ABCA5: variants seen among roughly 807,000 people sequenced by gnomAD.
ABCA5 encodes the protein ATP binding cassette subfamily A member 5.
In ABCA5, 163 loss-of-function variants were observed where a neutral mutation model predicts 206.0. That is an observed-to-expected ratio of 0.79 (90% confidence interval 0.70 to 0.90). The LOEUF (loss-of-function observed/expected upper bound fraction) is 0.90, where lower values mean the gene tolerates loss of function less well. Ranked by LOEUF, ABCA5 falls within the 40% of genes least tolerant of loss-of-function variation. The pLI, the probability that ABCA5 is intolerant of heterozygous loss-of-function variation, is 0.00. For missense variants in ABCA5, 1,859 were observed against 1,912.9 expected (o/e 0.97, Z 0.53); for synonymous variants, 609 against 613.8 (o/e 0.99, Z 0.11).
chr17:69,311,132 T>C (rs1266014138), intron 3 of ABCA5, among the ~76,000 whole-genome samples: 2 of 152,000 alleles, frequency 1.3e-5, no homozygotes, highest in African/African-American at 4.8e-5. Flanking sequence ...AGGCAGAGGC[T>C]GCAGTGAGCT....
At chr17:69,251,910 T>A (rs368231532) in intron 34 of ABCA5, 44 bp from the exon 35 acceptor site, 10 of 1,585,440 alleles carry the variant, frequency 6.3e-6, no homozygotes, top group Admixed American at 2.0e-5. Flanking sequence ...CACATCTGTT[T>A]GTTAAAAAAA....
intron 27 of ABCA5, 41 bp from the exon 28 acceptor site, chr17:69,259,838 G>C: frequency 8.7e-7 from 1 of 1,152,586 alleles, no homozygotes; most frequent in Admixed American, 2.3e-5. Flanking sequence ...TAAAAGATTT[G>C]TTGTTGTTGT....
chr17:69,306,461 C>T (rs1243762044), intron 6 of ABCA5, among the ~76,000 whole-genome samples: 2 of 151,996 alleles, frequency 1.3e-5, no homozygotes, highest in Non-Finnish European at 2.9e-5. Flanking sequence ...GGAGTGTGCC[C>T]ATGATTCAAA....
At chr17:69,309,903 C>T (rs983715640) in intron 3 of ABCA5, among the ~76,000 whole-genome samples, 1 of 151,888 alleles carries the variant, frequency 6.6e-6, no homozygotes, top group African/African-American at 2.4e-5. Flanking sequence ...TAAAATGGTA[C>T]AATGTTGCAG....
Position 69,280,376 on chromosome 17 carries a change from A to G in ABCA5, c.2393-2534T>C, listed in dbSNP as rs542491930. 3.4e-3 allele frequency among the ~76,000 whole-genome samples: 523 copies of G among 151,926 alleles called. 1 individual carries two copies. The highest frequency in any genetic ancestry group is 5.7e-3 in the Non-Finnish European group (385 of 67,784). On this transcript the variant is annotated intron_variant, in intron 18 of 38. Coordinates refer to ENST00000392676, the MANE Select transcript of ABCA5 (RefSeq NM_172232.4). ...TTAGAATGGCAATCATTAAAAAGTC[A>G]GGAAACAACAGGTGCTGGAGAGGAT...
At position 69,255,562 on chromosome 17, in the gene ABCA5, A is replaced by G. The variant is rs2075066414; in HGVS notation, c.4049T>C (p.Ile1350Thr). Residue 1350 changes from isoleucine (I) to threonine (T), a missense_variant, in exon 31 of 39, where the codon ATT becomes ACT. Coordinates refer to ENST00000392676, the MANE Select transcript of ABCA5 (RefSeq NM_172232.4). ...STIINILVGD[I>T]EPTSGQVFLG... ...TCATACCTGGCCTGAAGTTGGTTCA[A>G]TATCACCAACCAGAATATTAATAAT... 1 of 1,571,952 alleles carries G rather than the reference A, an allele frequency of 6.4e-7. No homozygotes were observed. Among genetic ancestry groups the G allele is most frequent in the Non-Finnish European group, 8.6e-7 (1 of 1,166,242 alleles).
chr17:69,322,420 C>T (rs1200673958), intron 1 of ABCA5, among the ~76,000 whole-genome samples: 1 of 126,910 alleles, frequency 7.9e-6, no homozygotes, highest in Non-Finnish European at 1.7e-5. Context: ...TCCTACGAAA[C>T]ATATTCCACA....
intron 21 of ABCA5, 32 bp from the exon 22 acceptor site, chr17:69,270,782 C>T (rs763456515): frequency 1.3e-6 from 2 of 1,505,630 alleles, no homozygotes; most frequent in Non-Finnish European, 1.8e-6. Flanking sequence ...TTATTACATA[C>T]TGTATATAAG....
chr17:69,276,111 G>A (rs568148728), intron 19 of ABCA5, among the ~76,000 whole-genome samples: 127 of 151,660 alleles, frequency 8.4e-4, no homozygotes, highest in African/African-American at 2.9e-3. Flanking sequence ...GGGCAGGGAC[G>A]GAGTCTCACT....
At position 69,289,923 on chromosome 17, in the gene ABCA5, T is replaced by C. The variant is rs759767515; in HGVS notation, c.1721A>G (p.Glu574Gly). ...LDIHFDVLTVEENLSILASIK... is the reference protein window; with the variant it reads ...LDIHFDVLTVGENLSILASIK... ...TGAAGCCAAAATTGATAAATTTTCT[T>C]CTACTGTCAAAACATCAAAGTGTAT... Residue 574 changes from glutamate to glycine, a missense_variant, in exon 13 of 39, where the codon GAA (glutamate) becomes GGA (glycine). Physicochemically the swap from Glu to Gly is moderately conservative, Grantham distance 98. Coordinates refer to ENST00000392676, the MANE Select transcript of ABCA5 (RefSeq NM_172232.4). 3.1e-6 allele frequency: 5 copies of C among 1,612,030 alleles called. No homozygotes were observed. Among genetic ancestry groups the C allele is most frequent in the Non-Finnish European group, 4.2e-6 (5 of 1,179,262 alleles).
At chr17:69,308,170 A>T in intron 5 of ABCA5, 110 bp downstream of exon 5, 1 of 492,566 alleles carries the variant, frequency 2.0e-6, no homozygotes, top group Non-Finnish European at 3.5e-6. Context: ...GTAGTAGGTT[A>T]CATATTTTGT....
chr17:69,261,055 A>T, intron 26 of ABCA5, 70 bp downstream of exon 26: 1 of 1,341,312 alleles, frequency 7.5e-7, no homozygotes, highest in Non-Finnish European at 1.0e-6. Flanking sequence ...CTATACAAGA[A>T]CTAACATCCC....
chr17:69,270,217 A>G (rs2075257008), intron 22 of ABCA5, among the ~76,000 whole-genome samples: 1 of 152,110 alleles, frequency 6.6e-6, no homozygotes, highest in African/African-American at 2.4e-5. Context: ...ACTTTTCTGT[A>G]ATCTTGATTC....
At chr17:69,261,568 A>T in intron 25 of ABCA5, 67 bp downstream of exon 25, 1 of 752,586 alleles carries the variant, frequency 1.3e-6, no homozygotes, top group Non-Finnish European at 2.1e-6. Context: ...TTTTTAGTAT[A>T]ATCAGGAAAG....
chr17:69,304,848 A>G (rs2075700397), intron 6 of ABCA5, 38 bp from the exon 7 acceptor site: 1 of 1,524,596 alleles, frequency 6.6e-7, no homozygotes, highest in Non-Finnish European at 8.8e-7. Context: ...GGTCAAATGC[A>G]TAGGCTTAAC....
intron 24 of ABCA5, 132 bp from the exon 25 acceptor site, chr17:69,261,880 G>T (rs982272532): frequency 5.0e-6 from 2 of 401,952 alleles, no homozygotes; most frequent in African/African-American, 2.1e-5. Flanking sequence ...AACACTACTT[G>T]TAGTTTTTTG....
In ABCA5 at chr17:69,285,959, T is replaced by C. The variant is rs1219919755; in HGVS notation, c.2211A>G (p.Leu737=). 2 of 1,613,318 alleles carry C rather than the reference T, an allele frequency of 1.2e-6. No homozygotes were observed. Among genetic ancestry groups the C allele is most frequent in the Non-Finnish European group, 1.7e-6 (2 of 1,179,556 alleles). ...ACACAAGTTGTTGGTCATTCTGTTG[T>C]AATAAAGTAGCTCCAGGTATATGTT... ...VKQHIPGATL[L]QQNDQQLVYS... is the part of the protein sequence containing the mutation. The change falls in exon 17 of 39, where the codon TTA becomes TTG. Residue 737 remains leucine (L), a synonymous_variant. Coordinates refer to ENST00000392676, the MANE Select transcript of ABCA5 (RefSeq NM_172232.4).
At chr17:69,251,484 A>G (rs983958911) in intron 35 of ABCA5, 3 of 389,148 alleles carry the variant, frequency 7.7e-6, no homozygotes. Context: ...AATCCAATAT[A>G]TAACAATTTT....
At chr17:69,284,752 C>G (rs1262310780) in intron 17 of ABCA5, among the ~76,000 whole-genome samples, 2 of 152,146 alleles carry the variant, frequency 1.3e-5, no homozygotes, top group Non-Finnish European at 2.9e-5. Context: ...TGTGATAGCA[C>G]ATATTATGCA....
Sources: allele counts gnomAD v4.1 joint callset (sites outside exome capture counted in the v4.1 genomes callset), GRCh38; gene constraint gnomAD v4.1.1; transcripts MANE v1.5; gene names NCBI Gene and HGNC (gene_info 2026-07-23, HGNC 2026-07-21).